The following APAF1 variants were observed in gnomAD, a reference collection of about 807,000 sequenced individuals.
APAF1 encodes the protein apoptotic protease-activating factor 1.
Under a neutral mutation model 152.4 loss-of-function variants are expected in APAF1, and 91 were observed. The ratio of observed to expected loss-of-function variants is 0.60; its 90% CI spans 0.50 to 0.71. The LOEUF is 0.71. Among genes scored for constraint, APAF1 ranks in the 30% least tolerant of loss-of-function variants. The probability of loss-of-function intolerance (pLI) is 0.00; values close to 1 mark genes in which losing one functional copy is unlikely to be tolerated. For missense variants in APAF1, 1,283 were observed against 1,472.0 expected (o/e 0.87, Z 2.10); for synonymous variants, 484 against 494.1 (o/e 0.98, Z 0.27).
chr12:98,725,538 A>G lies in APAF1; in HGVS notation c.3454A>G (p.Arg1152Gly). ...LATGDDNGEI[R>G]IWNVSNGELL... ...AACGGGAGATGACAATGGAGAAATC[A>G]GGGTAGGCTGTTTGCTGACATGAGA... Residue 1152 changes from arginine (R) to glycine (G), a missense_variant and splice_region_variant, in exon 25 of 27, where the codon AGG becomes GGG. Arg to Gly is a moderately radical substitution (Grantham distance 125). Coordinates refer to ENST00000551964, the MANE Select transcript of APAF1 (RefSeq NM_181861.2). 4 of 1,614,140 alleles carry G rather than the reference A, an allele frequency of 2.5e-6. No individual in the cohort carries two copies. Among genetic ancestry groups the G allele is most frequent in the Non-Finnish European group, 2.5e-6 (3 of 1,179,980 alleles).
chr12:98,732,993 G>C lies in APAF1; in HGVS notation c.*427G>C, dbSNP rs910282366. Reference sequence around the variant, plus strand: ...TTTTGAACCACACTTACCCCAAGGGGGTTTTGTTCTCCTAAATACAATCTT... The same window carrying C: ...TTTTGAACCACACTTACCCCAAGGGCGTTTTGTTCTCCTAAATACAATCTT... On this transcript the variant is annotated 3_prime_UTR_variant, in exon 27 of 27. Coordinates refer to ENST00000551964, the MANE Select transcript of APAF1 (RefSeq NM_181861.2). The C allele has an allele frequency of 4.9e-5, 9 of 182,002 alleles. No individual in the cohort carries two copies. Among genetic ancestry groups the C allele is most frequent in the Admixed American group, 1.2e-4 (2 of 17,118 alleles). 11.3% of individuals were successfully genotyped at this position (182,002 alleles called of 1,614,324 possible).
In APAF1 at chr12:98,686,863, G is replaced by C. The variant is rs746728734; in HGVS notation, c.2294G>C (p.Gly765Ala). The change falls in exon 16 of 27, where the codon GGA becomes GCA. Residue 765 changes from glycine (G) to alanine (A), a missense_variant. Physicochemically the swap from Gly to Ala is moderately conservative, Grantham distance 60. Transcript: ENST00000551964. ...DKLLASCSAD[G>A]TLKLWDATSA... ...CTTTTGGCTAGTTGTTCAGCTGATGGAACCTTAAAGGTATGCTTTTGTACA... is the reference window on the plus strand; with the variant it reads ...CTTTTGGCTAGTTGTTCAGCTGATGCAACCTTAAAGGTATGCTTTTGTACA... The C allele has an allele frequency of 6.2e-7, 1 of 1,613,956 alleles. No individual in the cohort carries two copies. The highest frequency in any genetic ancestry group is 1.1e-5 in the South Asian group (1 of 91,072).
chr12:98,690,652 T>C (rs1334592706), intron 16 of APAF1, among the ~76,000 whole-genome samples: 1 of 152,234 alleles, frequency 6.6e-6, no homozygotes, highest in Non-Finnish European at 1.5e-5. Flanking sequence ...TGTACAAATA[T>C]AAGTTGTACA....
Position 98,735,350 on chromosome 12 carries a change from T to C in APAF1, c.*2784T>C. 1 of 421,288 alleles carries C rather than the reference T, an allele frequency of 2.4e-6. No homozygotes were observed. Among genetic ancestry groups the C allele is most frequent in the Non-Finnish European group, 4.2e-6 (1 of 237,572 alleles). The allele number at this position is 421,288 out of a possible 1,614,324, so 26.1% of individuals were successfully genotyped here. A position where few individuals can be genotyped will look rare whatever the true frequency, so the allele number is the denominator to read the frequency against. On this transcript the variant is annotated 3_prime_UTR_variant, in exon 27 of 27. Transcript: ENST00000551964. ...TGTATTTATGATATAGCTTATATGATTTTTTTGCCTTGGTATACATTTTAA... is the reference window on the plus strand; with the variant it reads ...TGTATTTATGATATAGCTTATATGACTTTTTTGCCTTGGTATACATTTTAA...
intron 5 of APAF1, among the ~76,000 whole-genome samples, chr12:98,659,838 A>G (rs575399468): frequency 6.6e-6 from 1 of 152,194 alleles, no homozygotes; most frequent in East Asian, 1.9e-4. Context: ...AACGAAAAAA[A>G]AAAGTGGCTG....
Position 98,659,266 on chromosome 12 carries a change from T to C in APAF1, c.633T>C (p.Ser211=). The C allele has an allele frequency of 1.2e-6, 2 of 1,613,552 alleles. No individual in the cohort carries two copies. The highest frequency in any genetic ancestry group is 1.7e-6 in the Non-Finnish European group (2 of 1,179,894). ...NLCTRLDQDE[S]FSQRLPLNIE... is the part of the protein sequence containing the mutation. Reference sequence around the variant, plus strand: ...GCACACGGTTGGATCAGGATGAGAGTTTTTCCCAGAGGCTTCCACTTAATA... The same window carrying C: ...GCACACGGTTGGATCAGGATGAGAGCTTTTCCCAGAGGCTTCCACTTAATA... The change falls in exon 5 of 27, where the codon AGT becomes AGC. Residue 211 remains serine (S), a synonymous_variant. Transcript: ENST00000551964.
chr12:98,645,751 C>T lies in APAF1; in HGVS notation c.-126C>T, dbSNP rs1220420875. On this transcript the variant is annotated 5_prime_UTR_variant, in exon 1 of 27. Transcript: ENST00000551964. ...AATTCCCGGTGGAAAACTCCTGTTG[C>T]CGTTTCCCTCCACCGGCCTGGAGTC... 2.6e-5 allele frequency: 4 copies of T among 152,364 alleles called. No individual in the cohort carries two copies. Among genetic ancestry groups the T allele is most frequent in the African/African-American group, 9.6e-5 (4 of 41,464 alleles). 9.4% of individuals were successfully genotyped at this position (152,364 alleles called of 1,614,324 possible).
At chr12:98,671,142 AT>A in intron 11 of APAF1, 56 bp downstream of exon 11, 1 of 1,063,122 alleles carries the variant, frequency 9.4e-7, no homozygotes, top group Non-Finnish European at 1.5e-6. Flanking sequence ...TTTTTTTTAC[AT>A]TTAATTCTAG....
chr12:98,660,127 C>T (rs2097663149), intron 5 of APAF1, among the ~76,000 whole-genome samples: 1 of 152,174 alleles, frequency 6.6e-6, no homozygotes, highest in African/African-American at 2.4e-5. Flanking sequence ...GGATAGTTTG[C>T]TTGAGTCCAG....
chr12:98,723,144 A>G, intron 22 of APAF1, 49 bp from the exon 23 acceptor site: 1 of 1,596,418 alleles, frequency 6.3e-7, no homozygotes, highest in South Asian at 1.1e-5. Context: ...CCCTCCAATG[A>G]GATAGGATCG....
chr12:98,721,441 G>A (rs10437888), intron 22 of APAF1, among the ~76,000 whole-genome samples: 136,248 of 152,214 alleles, frequency 0.9, 61,044 homozygotes, highest in African/African-American at 0.94. Flanking sequence ...CCAGTCCAGT[G>A]AAGCCCAGAA....
rs1194539911 is a variant in APAF1 at position 98,694,911 on chromosome 12, G to A, written c.2305-4497G>A. 3.4e-5 allele frequency among the ~76,000 whole-genome samples: 5 copies of A among 146,700 alleles called. No homozygotes were observed. In the East Asian group the frequency reaches 9.9e-4, roughly 29 times the overall value. On this transcript the variant is annotated intron_variant, in intron 16 of 26. Coordinates refer to ENST00000551964, the MANE Select transcript of APAF1 (RefSeq NM_181861.2). ...TTTTTTTTTTAGACAGTCTTGGTGT[G>A]TTGCCCAGGCTGGAGTGCTGTGGCA...
intron 14 of APAF1, among the ~76,000 whole-genome samples, chr12:98,682,936 T>G (rs1456440200): frequency 6.6e-6 from 1 of 152,210 alleles, no homozygotes; most frequent in Non-Finnish European, 1.5e-5. Flanking sequence ...CATATATGTA[T>G]ATTTGCAAAT....
chr12:98,725,308 A>C, intron 24 of APAF1, 107 bp from the exon 25 acceptor site: 2 of 1,412,972 alleles, frequency 1.4e-6, no homozygotes, highest in Non-Finnish European at 2.0e-6. Context: ...ATGAATTGCC[A>C]GATATTAGAA....
At chr12:98,659,091 A>T in intron 4 of APAF1, 69 bp from the exon 5 acceptor site, 1 of 1,442,324 alleles carries the variant, frequency 6.9e-7, no homozygotes, top group Non-Finnish European at 9.8e-7. Context: ...TCTGATGCTT[A>T]ACAGTAAAAC....
intron 17 of APAF1, 65 bp from the exon 18 acceptor site, chr12:98,703,306 G>A (rs2097717680): frequency 6.4e-7 from 1 of 1,553,208 alleles, no homozygotes; most frequent in Admixed American, 1.7e-5. Context: ...GAAATGGGAG[G>A]ATATTAGAAT....
chr12:98,728,663 C>T (rs1227959580), intron 26 of APAF1, among the ~76,000 whole-genome samples: 5 of 152,118 alleles, frequency 3.3e-5, no homozygotes, highest in Non-Finnish European at 7.3e-5. Context: ...GCAGAAGTTG[C>T]AGTCAGCTAA....
chr12:98,661,982 C>A (rs1344593615), intron 5 of APAF1, among the ~76,000 whole-genome samples: 1 of 151,874 alleles, frequency 6.6e-6, no homozygotes, highest in Non-Finnish European at 1.5e-5. Context: ...AGGTAATATT[C>A]TTTTAGATTA....
chr12:98,705,024 T>C (rs929821904), intron 18 of APAF1, among the ~76,000 whole-genome samples: 1 of 152,120 alleles, frequency 6.6e-6, no homozygotes, highest in Non-Finnish European at 1.5e-5. Flanking sequence ...CCTCAAGTGA[T>C]CCACCTGCCT....
Sources: allele counts gnomAD v4.1 joint callset (sites outside exome capture counted in the v4.1 genomes callset), GRCh38; gene constraint gnomAD v4.1.1; transcripts MANE v1.5; gene names NCBI Gene and HGNC (gene_info 2026-07-23, HGNC 2026-07-21).